Variants in MYRIP observed in about 807,000 individuals in gnomAD.
The protein encoded by MYRIP is rab effector MyRIP.
Under a neutral mutation model 98.0 loss-of-function variants are expected in MYRIP, and 49 were observed. That is an observed-to-expected ratio of 0.50 (90% CI 0.40 to 0.63). MYRIP has a LOEUF of 0.63. Ranked by LOEUF, MYRIP falls within the 30% of genes least tolerant of loss-of-function variation. The probability of loss-of-function intolerance (pLI) is 0.00; values close to 1 mark genes in which losing one functional copy is unlikely to be tolerated. For missense variants in MYRIP, 1,004 were observed against 1,058.2 expected, an observed-to-expected ratio of 0.95 and a Z score of 0.71; for synonymous variants, 404 against 409.5, an observed-to-expected ratio of 0.99 and a Z score of 0.16.
chr3:39,924,536 G>A (rs911956237), intron 2 of MYRIP, among the ~76,000 whole-genome samples: 1 of 151,988 alleles, frequency 6.6e-6, no homozygotes, highest in Non-Finnish European at 1.5e-5. Flanking sequence ...AGTTAGAGAT[G>A]GAGACTTCAA....
At chr3:40,231,774 T>C (rs2125697805) in intron 11 of MYRIP, among the ~76,000 whole-genome samples, 1 of 151,898 alleles carries the variant, frequency 6.6e-6, no homozygotes, top group South Asian at 2.1e-4. Context: ...CTAACTTTTT[T>C]TTCTGAATCC....
At chr3:39,871,185 A>C (rs1363729280) in intron 1 of MYRIP, among the ~76,000 whole-genome samples, 1 of 152,166 alleles carries the variant, frequency 6.6e-6, no homozygotes, top group South Asian at 2.1e-4. Flanking sequence ...TATTTAGAAA[A>C]CCCCCAAATA....
At chr3:40,064,415 C>T (rs1305765178) in intron 3 of MYRIP, among the ~76,000 whole-genome samples, 1 of 152,010 alleles carries the variant, frequency 6.6e-6, no homozygotes, top group African/African-American at 2.4e-5. Flanking sequence ...ACAGATGATG[C>T]TATATGAGAA....
chr3:40,033,741 C>CA (rs1178079846), intron 2 of MYRIP, among the ~76,000 whole-genome samples: 11 of 151,950 alleles, frequency 7.2e-5, no homozygotes, highest in Non-Finnish European at 5.9e-5. Flanking sequence ...CATATGGAAC[C>CA]AAAAAAGAGG....
At chr3:39,974,111 A>G (rs190074650) in intron 2 of MYRIP, among the ~76,000 whole-genome samples, 214 of 152,266 alleles carry the variant, frequency 1.4e-3, no homozygotes, top group Non-Finnish European at 2.3e-3. Flanking sequence ...TGAATCCAGG[A>G]GCTTGTATTT....
chr3:40,106,729 T>G (rs1949056332), intron 3 of MYRIP, among the ~76,000 whole-genome samples: 1 of 152,146 alleles, frequency 6.6e-6, no homozygotes, highest in Non-Finnish European at 1.5e-5. Context: ...TTTATATATG[T>G]AAATTTTGTT....
At position 39,986,334 on chromosome 3, in the gene MYRIP, G is replaced by T. The variant is rs997751878; in HGVS notation, c.111-57716G>T. Among the ~76,000 whole-genome samples, 2 of 151,914 alleles carry T rather than the reference G, an allele frequency of 1.3e-5. 1 individual carries two copies. Among genetic ancestry groups the T allele is most frequent in the African/African-American group, 4.8e-5 (2 of 41,340 alleles). On this transcript the variant is annotated intron_variant, in intron 2 of 16. Transcript: ENST00000302541. The stretch of plus-strand genomic sequence containing the variant: ...TCATTTCTTCTTTTCCCAGTTTATT[G>T]ATTTTGTTGTATTTTTACATTTATA...
At position 40,099,904 on chromosome 3, in the gene MYRIP, C is replaced by T. The variant is rs369943853; in HGVS notation, c.333-51144C>T. 1.5e-5 allele frequency: 12 copies of T among 812,226 alleles called. No individual in the cohort carries two copies. The East Asian group carries it at 1.5e-3, about 102-fold the overall frequency. 50.3% of individuals were successfully genotyped at this position (812,226 alleles called of 1,614,324 possible). The stretch of plus-strand genomic sequence containing the variant: ...ATTAAACCGGGCAGCTTTAAATGAG[C>T]TTTGGTGCCTCTCTCTCCCTGTTGC... On this transcript the variant is annotated intron_variant, in intron 3 of 16. Transcript: ENST00000302541.
chr3:40,043,763 T>A (rs1947601263), intron 2 of MYRIP, among the ~76,000 whole-genome samples: 1 of 152,262 alleles, frequency 6.6e-6, no homozygotes, highest in African/African-American at 2.4e-5. Flanking sequence ...ATTAGTTTTT[T>A]AATAACTTGT....
chr3:39,849,507 C>G (rs1178837724), intron 1 of MYRIP, among the ~76,000 whole-genome samples: 3 of 152,176 alleles, frequency 2.0e-5, no homozygotes, highest in Non-Finnish European at 4.4e-5. Flanking sequence ...AGAGGTCCAG[C>G]CTTCCCGGAG....
chr3:40,025,685 T>G lies in MYRIP; in HGVS notation c.111-18365T>G, dbSNP rs1947111035. 2.0e-5 allele frequency among the ~76,000 whole-genome samples: 3 copies of G among 152,076 alleles called. No individual in the cohort carries two copies. In the South Asian group the frequency reaches 6.2e-4, roughly 32 times the overall value. The stretch of plus-strand genomic sequence containing the variant: ...AGTGCAAAGAGAGAAATTTTACAGC[T>G]GGGCCACGGAGGGTGTCATCACATA... On this transcript the variant is annotated intron_variant, in intron 2 of 16. Coordinates refer to ENST00000302541, the MANE Select transcript of MYRIP (RefSeq NM_015460.4).
At chr3:39,825,638 T>C (rs1941240895) in intron 1 of MYRIP, among the ~76,000 whole-genome samples, 1 of 152,202 alleles carries the variant, frequency 6.6e-6, no homozygotes, top group Non-Finnish European at 1.5e-5. Flanking sequence ...TTGGCTTGTA[T>C]TTTTCATTGT....
At chr3:39,880,312 C>A (rs955984067) in intron 1 of MYRIP, among the ~76,000 whole-genome samples, 1 of 152,184 alleles carries the variant, frequency 6.6e-6, no homozygotes. Flanking sequence ...TTGTTATCTG[C>A]AGAAGGGCTA....
rs1394068512 is a variant in MYRIP at position 40,211,656 on chromosome 3, G to A, written c.1905+1563G>A. ...GTACGCTGGAGCTTAGAGCCAGATGGTAACTGGAGAATATCACATTCTTTC... is the reference window on the plus strand; with the variant it reads ...GTACGCTGGAGCTTAGAGCCAGATGATAACTGGAGAATATCACATTCTTTC... On this transcript the variant is annotated intron_variant, in intron 11 of 16. Transcript: ENST00000302541. Among the ~76,000 whole-genome samples the A allele has an allele frequency of 5.3e-5, 8 of 152,286 alleles. No individual in the cohort carries two copies. In the South Asian group the frequency reaches 1.0e-3, roughly 20 times the overall value.
At position 40,228,524 on chromosome 3, in the gene MYRIP, CCT is replaced by C. The variant is rs201559336; in HGVS notation, c.1906-5334_1906-5333del. Among the ~76,000 whole-genome samples the C allele has an allele frequency of 9.4e-3, 1,434 of 152,300 alleles. 26 individuals carry two copies. The highest frequency in any genetic ancestry group is 0.032 in the African/African-American group (1,310 of 41,566). On this transcript the variant is annotated intron_variant, in intron 11 of 16. Transcript: ENST00000302541. ...AAGTGGCAGTCCCCTCGCCACTGCC[CCT>C]GTTTCTTGGCTGACCATGAACCTGG... is the stretch of plus-strand genomic sequence containing the variant.
chr3:39,886,490 G>A (rs1307904193), intron 1 of MYRIP, among the ~76,000 whole-genome samples: 1 of 150,650 alleles, frequency 6.6e-6, no homozygotes, highest in Non-Finnish European at 1.5e-5. Flanking sequence ...AAGGATGGAG[G>A]AAGATCTACC....
At position 40,182,355 on chromosome 3, in the gene MYRIP, G is replaced by A. The variant is rs180673808; in HGVS notation, c.1009G>A (p.Asp337Asn). Residue 337 changes from aspartate to asparagine, a missense_variant, in exon 9 of 17, where the codon GAC becomes AAC. Asp to Asn is a conservative substitution (Grantham distance 23). Coordinates refer to ENST00000302541, the MANE Select transcript of MYRIP (RefSeq NM_015460.4). The part of the protein sequence containing the change: ...ESALPSWKSV[D>N]RLDETNLAPV... ...TGCTCTGCCCAGCTGGAAGAGTGTG[G>A]ACAGGCTGGATGAAACAAGTAACTG... 6.2e-7 allele frequency: 1 copy of A among 1,613,098 alleles called. No individual in the cohort carries two copies. Among genetic ancestry groups the A allele is most frequent in the East Asian group, 2.2e-5 (1 of 44,794 alleles).
At chr3:39,855,420 G>A (rs1000340941) in intron 1 of MYRIP, among the ~76,000 whole-genome samples, 7 of 152,062 alleles carry the variant, frequency 4.6e-5, no homozygotes, top group Admixed American at 1.3e-4. Flanking sequence ...TTTTGTGTTA[G>A]GCTACCAGAG....
chr3:40,170,173 G>T, intron 8 of MYRIP, 80 bp downstream of exon 8: 1 of 1,533,808 alleles, frequency 6.5e-7, no homozygotes, highest in Non-Finnish European at 8.8e-7. Context: ...AGTTGAATCA[G>T]GTGGCCACTG....
Sources: gnomAD v4.1 joint callset for allele counts (sites outside exome capture counted in the v4.1 genomes callset) on GRCh38, gnomAD v4.1.1 for gene constraint, MANE v1.5 for transcripts, NCBI Gene and HGNC (gene_info 2026-07-23, HGNC 2026-07-21) for gene names.